The following SCN7A variants were observed in gnomAD, a reference collection of about 807,000 sequenced individuals.
SCN7A encodes sodium voltage-gated channel alpha subunit 7.
Under a neutral mutation model 155.2 loss-of-function variants are expected in SCN7A, and 138 were observed. That is an observed-to-expected ratio of 0.89 (90% CI 0.77 to 1.02). The LOEUF is 1.02. Among genes scored for constraint, SCN7A ranks in the 50% least tolerant of loss-of-function variants. The pLI is 0.00. For missense variants in SCN7A, 2,058 were observed against 1,986.6 expected, an observed-to-expected ratio of 1.04 and a Z score of -0.68; for synonymous variants, 693 against 649.0, an observed-to-expected ratio of 1.07 and a Z score of -1.03.
At chr2:166,414,272 A>G (rs1245465875) in intron 21 of SCN7A, among the ~76,000 whole-genome samples, 9 of 23,726 alleles carry the variant, frequency 3.8e-4, no homozygotes, top group African/African-American at 1.3e-3. Flanking sequence ...ATACACACAC[A>G]TATATATATA....
chr2:166,490,093 CT>C (rs1261832742), intron 1 of SCN7A, among the ~76,000 whole-genome samples: 2 of 151,912 alleles, frequency 1.3e-5, no homozygotes, highest in African/African-American at 2.4e-5. Context: ...AGACTTATTT[CT>C]TTGTAGTGGA....
intron 18 of SCN7A, among the ~76,000 whole-genome samples, chr2:166,426,387 C>A (rs1701625225): frequency 1.3e-5 from 2 of 152,012 alleles, no homozygotes; most frequent in African/African-American, 4.8e-5. Flanking sequence ...ATTCTCTCAA[C>A]CTTAGGATAG....
In SCN7A at chr2:166,456,815, T is replaced by TACATAGATAG; in HGVS notation, c.1290+54_1290+55insCTATCTATGT. 6.6e-6 allele frequency: 3 copies of TACATAGATAG among 453,358 alleles called. 1 individual carries two copies. Among genetic ancestry groups the TACATAGATAG allele is most frequent in the Non-Finnish European group, 6.7e-6 (2 of 298,774 alleles). The allele number at this position is 453,358 out of a possible 1,614,324, so 28.1% of individuals were successfully genotyped here. A position where few individuals can be genotyped will look rare whatever the true frequency, so the allele number is the denominator to read the frequency against. Reference sequence around the variant, plus strand: ...GTTTCAAGACTAAAATATATATATATATATATATATATATAGATAGATAGA... The same window carrying TACATAGATAG: ...GTTTCAAGACTAAAATATATATATATACATAGATAGATATATATATATATAGATAGATAGA... On this transcript the variant is annotated intron_variant, in intron 11 of 25. Coordinates refer to ENST00000643258, the MANE Select transcript of SCN7A (RefSeq NM_002976.4).
intron 15 of SCN7A, among the ~76,000 whole-genome samples, chr2:166,433,557 A>G (rs980533058): frequency 7.2e-5 from 11 of 152,158 alleles, no homozygotes; most frequent in African/African-American, 2.7e-4. Flanking sequence ...ATATCAAACG[A>G]TCAAAGGTTA....
chr2:166,431,835 A>G (rs1701737542), intron 16 of SCN7A, among the ~76,000 whole-genome samples: 1 of 152,106 alleles, frequency 6.6e-6, no homozygotes, highest in Admixed American at 6.6e-5. Flanking sequence ...TTAGAATTTT[A>G]GCAAGCAAGA....
At chr2:166,408,588 C>A (rs71428922) in intron 25 of SCN7A, among the ~76,000 whole-genome samples, 11,468 of 151,858 alleles carry the variant, frequency 0.076, 521 homozygotes, top group Middle Eastern at 0.13. Flanking sequence ...CCTATCAGCT[C>A]CCTCTTGTCT....
Position 166,465,877 on chromosome 2 carries a change from A to T in SCN7A, c.775T>A (p.Phe259Ile). The change falls in exon 8 of 26, where the codon TTC becomes ATC. Residue 259 changes from phenylalanine (F) to isoleucine (I), a missense_variant. Coordinates refer to ENST00000643258, the MANE Select transcript of SCN7A (RefSeq NM_002976.4). Reference sequence around the variant, plus strand: ...CATTTATGTTTCAAGTTGCCCATGAAGAGCCCCATCCCAATTAGAGAAAAT... The same window carrying T: ...CATTTATGTTTCAAGTTGCCCATGATGAGCCCCATCCCAATTAGAGAAAAT... ...SIFSLIGMGL[F>I]MGNLKHKCFR... 6.2e-7 allele frequency: 1 copy of T among 1,613,954 alleles called. No homozygotes were observed. Among genetic ancestry groups the T allele is most frequent in the Admixed American group, 1.7e-5 (1 of 60,014 alleles).
At chr2:166,422,852 T>G (rs1351222267) in intron 19 of SCN7A, among the ~76,000 whole-genome samples, 1 of 152,126 alleles carries the variant, frequency 6.6e-6, no homozygotes, top group Non-Finnish European at 1.5e-5. Context: ...TTGGAATCTA[T>G]TGTAGAGATC....
intron 7 of SCN7A, among the ~76,000 whole-genome samples, chr2:166,466,808 C>G (rs1344059710): frequency 6.6e-6 from 1 of 151,842 alleles, no homozygotes; most frequent in East Asian, 1.9e-4. Context: ...TGCAAGTAGT[C>G]AACATTTGTA....
rs1559080535 is a variant in SCN7A at position 166,403,668 on chromosome 2, C to A, written c.*1912G>T. The A allele has an allele frequency of 6.6e-6, 1 of 152,006 alleles. No individual in the cohort carries two copies. The highest frequency in any genetic ancestry group is 1.9e-4 in the East Asian group (1 of 5,158). The allele number at this position is 152,006 out of a possible 1,614,324, so 9.4% of individuals were successfully genotyped here. On this transcript the variant is annotated 3_prime_UTR_variant, in exon 26 of 26. Coordinates refer to ENST00000643258, the MANE Select transcript of SCN7A (RefSeq NM_002976.4). The stretch of plus-strand genomic sequence containing the variant: ...TAAAAATAACTCTTTACACAGCTTT[C>A]GGAAGGTAACTGGCAAACAAGGTTT...
chr2:166,446,618 C>T (rs2105444090), intron 12 of SCN7A, among the ~76,000 whole-genome samples: 1 of 152,202 alleles, frequency 6.6e-6, no homozygotes, highest in Admixed American at 6.6e-5. Context: ...TTGGAACCAG[C>T]CCAAATACAC....
chr2:166,443,274 A>C (rs1289110994), intron 14 of SCN7A, among the ~76,000 whole-genome samples: 1 of 152,168 alleles, frequency 6.6e-6, no homozygotes, highest in Non-Finnish European at 1.5e-5. Flanking sequence ...CTAAAACTGT[A>C]TCTCAAATTT....
intron 15 of SCN7A, among the ~76,000 whole-genome samples, chr2:166,439,055 G>GTGTGTATATATATATATA (rs375208870): frequency 0.011 from 1,191 of 113,206 alleles, 16 homozygotes; most frequent in African/African-American, 0.024. Context: ...GTGTGTGTGT[G>GTGTGTATATATATATATA]TATATATATA....
In SCN7A at chr2:166,432,440, G is replaced by A; in HGVS notation, c.2470C>T (p.Gln824Ter). 1 of 1,613,576 alleles carries A rather than the reference G, an allele frequency of 6.2e-7. No individual in the cohort carries two copies. The highest frequency in any genetic ancestry group is 8.5e-7 in the Non-Finnish European group (1 of 1,179,662). ...ACACTAGGACTGGGGATAAGTGATT[G>A]GCTCTCATTTTCAGTAGCGTTTTTC... Reference protein sequence around the residue: ...TEKNATENESQSLIPSPSVSE... With the variant: ...TEKNATENES Residue 824 changes from glutamine (Q) to a stop codon, truncating the protein, a stop_gained, in exon 16 of 26, where the codon CAA (glutamine) becomes TAA (stop). Coordinates refer to ENST00000643258, the MANE Select transcript of SCN7A (RefSeq NM_002976.4). LOFTEE classifies it high-confidence loss of function.
intron 18 of SCN7A, 27 bp downstream of exon 18, chr2:166,427,761 T>C (rs1575016928): frequency 2.5e-6 from 4 of 1,586,122 alleles, no homozygotes; most frequent in Non-Finnish European, 3.4e-6. Context: ...CCCAGCAAAG[T>C]ATCAAACACC....
At chr2:166,412,923 AC>A in intron 22 of SCN7A, 144 bp downstream of exon 22, 2 of 851,666 alleles carry the variant, frequency 2.3e-6, no homozygotes, top group Non-Finnish European at 1.8e-6. Flanking sequence ...GTATATAATA[AC>A]CCTGGAAGAA....
intron 20 of SCN7A, 130 bp from the exon 21 acceptor site, chr2:166,417,115 A>T: frequency 1.5e-6 from 1 of 684,890 alleles, no homozygotes; most frequent in South Asian, 2.2e-5. Context: ...ATATCTAAAG[A>T]TTTAACAGCC....
chr2:166,418,080 A>C (rs1428835592), intron 20 of SCN7A, among the ~76,000 whole-genome samples: 2 of 150,908 alleles, frequency 1.3e-5, no homozygotes, highest in Non-Finnish European at 3.0e-5. Context: ...TAGTTTTACT[A>C]TTTCCACTAC....
intron 7 of SCN7A, 55 bp downstream of exon 7, chr2:166,470,560 T>C (rs575726559): frequency 1.8e-5 from 26 of 1,442,440 alleles, no homozygotes; most frequent in Non-Finnish European, 9.5e-6. Context: ...TTCAAGTGAA[T>C]ACATGGCAGT....
Sources: allele counts gnomAD v4.1 joint callset (sites outside exome capture counted in the v4.1 genomes callset), GRCh38; gene constraint gnomAD v4.1.1; transcripts MANE v1.5; gene names NCBI Gene and HGNC (gene_info 2026-07-23, HGNC 2026-07-21).